Variants in POLI observed in about 807,000 individuals in gnomAD.
POLI encodes the protein DNA polymerase iota.
Under a neutral mutation model 51.6 loss-of-function variants are expected in POLI, and 58 were observed. The observed-to-expected ratio is 1.12, with a 90% CI of 0.91 to 1.40. The LOEUF is 1.40. POLI is among the 40% of genes most tolerant of loss of function. The probability of loss-of-function intolerance (pLI) is 0.00; values close to 1 mark genes in which losing one functional copy is unlikely to be tolerated. For synonymous variants in POLI, 322 were observed against 299.7 expected (o/e 1.07, Z -0.77); for missense variants, 921 against 871.3 (o/e 1.06, Z -0.72).
In POLI at chr18:54,297,034, T is replaced by C. The variant is rs1025347888; in HGVS notation, c.*2567T>C. On this transcript the variant is annotated 3_prime_UTR_variant, in exon 10 of 10. Coordinates refer to ENST00000579534, the MANE Select transcript of POLI (RefSeq NM_007195.3). ...TTCAGTATGATTTGAGTTCGTTGCT[T>C]CTCTGGGTGAGGTGGTACAAACTCC... is the stretch of plus-strand genomic sequence containing the variant. The C allele has an allele frequency of 3.0e-6, 3 of 985,322 alleles. No individual in the cohort carries two copies. The highest frequency in any genetic ancestry group is 1.7e-5 in the African/African-American group (1 of 57,246). The allele number at this position is 985,322 out of a possible 1,614,324, so 61.0% of individuals were successfully genotyped here.
intron 7 of POLI, among the ~76,000 whole-genome samples, chr18:54,286,140 A>G (rs746989960): frequency 3.3e-5 from 5 of 152,348 alleles, no homozygotes; most frequent in Non-Finnish European, 7.3e-5. Context: ...TTGGGATTAC[A>G]GGTACGAGGC....
chr18:54,273,721 T>C (rs2087112646), intron 2 of POLI, among the ~76,000 whole-genome samples: 1 of 152,260 alleles, frequency 6.6e-6, no homozygotes, highest in Admixed American at 6.5e-5. Flanking sequence ...TTATAATTCA[T>C]AATTAGGAGA....
At position 54,279,764 on chromosome 18, in the gene POLI, T is replaced by G. The variant is rs184004260; in HGVS notation, c.560-903T>G. On this transcript the variant is annotated intron_variant, in intron 4 of 9. Transcript: ENST00000579534. ...TTTTACACCTAAAGCAAATTTATTT[T>G]TATATAATTTTCTTACACTTTTCAT... Among the ~76,000 whole-genome samples, 133 of 152,324 alleles carry G rather than the reference T, an allele frequency of 8.7e-4. 1 individual carries two copies. Among genetic ancestry groups the G allele is most frequent in the Non-Finnish European group, 4.0e-4 (27 of 68,032 alleles).
intron 7 of POLI, among the ~76,000 whole-genome samples, chr18:54,286,874 G>A (rs900616298): frequency 2.0e-5 from 3 of 152,156 alleles, no homozygotes; most frequent in South Asian, 2.1e-4. Flanking sequence ...AACCTGGGAG[G>A]TGAAGGTTGC....
rs760557350 is a variant in POLI, at chr18:54,294,328, C to T, written c.2084C>T (p.Pro695Leu). The T allele has an allele frequency of 6.2e-7, 1 of 1,613,226 alleles. No individual in the cohort carries two copies. The highest frequency in any genetic ancestry group is 8.5e-7 in the Non-Finnish European group (1 of 1,179,348). Reference sequence around the variant, plus strand: ...GAAGGACTTACAGAAAATAGAGAGCCAGATTCTGTTGATGAGAAAATTACT... The same window carrying T: ...GAAGGACTTACAGAAAATAGAGAGCTAGATTCTGTTGATGAGAAAATTACT... ...SHEGLTENRE[P>L]DSVDEKITFP... is the part of the protein sequence containing the mutation. Residue 695 changes from proline to leucine, a missense_variant, in exon 10 of 10, where the codon CCA (proline) becomes CTA (leucine). Physicochemically the swap from Pro to Leu is moderately conservative, Grantham distance 98. Transcript: ENST00000579534.
intron 3 of POLI, among the ~76,000 whole-genome samples, chr18:54,303,575 T>C (rs912591422): frequency 1.3e-5 from 2 of 152,126 alleles, no homozygotes; most frequent in Non-Finnish European, 2.9e-5. Context: ...TTGCTAGCCT[T>C]TATTTGTGGA....
In POLI at chr18:54,313,633, A is replaced by C. The variant is rs141045662; in HGVS notation, c.334-6640A>C. 1.2e-4 allele frequency among the ~76,000 whole-genome samples: 19 copies of C among 152,076 alleles called. No individual in the cohort carries two copies. In the East Asian group the frequency reaches 3.7e-3, roughly 29 times the overall value. ...TTTGTGTCATCTCTGATTTCTTTGA[A>C]CAGTGTTTTGTAATTCTCATTGTAG... is the stretch of plus-strand genomic sequence containing the variant. On this transcript the variant is annotated intron_variant, in intron 3 of 4. Coordinates refer to the POLI transcript ENST00000579823.
chr18:54,308,593 G>GC (rs140790510), intron 3 of POLI, among the ~76,000 whole-genome samples: 2 of 151,954 alleles, frequency 1.3e-5, no homozygotes, highest in Non-Finnish European at 2.9e-5. Context: ...TATCTTTGTG[G>GC]GTTCTCTGTA....
chr18:54,309,390 T>C (rs640745), intron 3 of POLI, among the ~76,000 whole-genome samples: 38,582 of 152,126 alleles, frequency 0.25, 5,083 homozygotes, highest in Middle Eastern at 0.29. Context: ...CTCCAGACCC[T>C]GTTTTCCTGG....
chr18:54,271,480 C>A lies in POLI; in HGVS notation c.236C>A (p.Pro79His). The change falls in exon 2 of 10, where the codon CCT (proline) becomes CAT (histidine). Residue 79 changes from proline (P) to histidine (H), a missense_variant. Transcript: ENST00000579534. The stretch of plus-strand genomic sequence containing the variant: ...TCAAATCCAGAGCTAAAAGACAAAC[C>A]TTTAGGTAACTGTAGATTTATAATA... ...MISNPELKDK[P>H]LGVQQKYLVV... The A allele has an allele frequency of 6.3e-7, 1 of 1,584,788 alleles. No homozygotes were observed. Among genetic ancestry groups the A allele is most frequent in the Non-Finnish European group, 8.6e-7 (1 of 1,160,912 alleles).
intron 8 of POLI, among the ~76,000 whole-genome samples, chr18:54,290,806 A>C (rs1048166773): frequency 6.6e-6 from 1 of 152,150 alleles, no homozygotes; most frequent in Non-Finnish European, 1.5e-5. Context: ...AGGGAGGAGA[A>C]CATCACACAC....
In POLI at chr18:54,280,834, C is replaced by A. The variant is rs138927242; in HGVS notation, c.727C>A (p.Gln243Lys). The A allele has an allele frequency of 2.3e-5, 37 of 1,613,352 alleles. No individual in the cohort carries two copies. The highest frequency in any genetic ancestry group is 3.1e-5 in the Non-Finnish European group (37 of 1,179,480). ...TTCTGGTGTCTTTAAACCAAATCAA[C>A]AAACAGTCTTATTACCTGAAAGTTG... The part of the protein sequence containing the change: ...LVSGVFKPNQ[Q>K]TVLLPESCQH... The change falls in exon 5 of 10, where the codon CAA becomes AAA. Residue 243 changes from glutamine (Q) to lysine (K), a missense_variant. Transcript: ENST00000579534.
At chr18:54,278,864 C>T (rs2087368824) in intron 4 of POLI, among the ~76,000 whole-genome samples, 1 of 152,138 alleles carries the variant, frequency 6.6e-6, no homozygotes, top group Admixed American at 6.5e-5. Context: ...CTTAAGCCTC[C>T]CCATGCATTT....
In POLI at chr18:54,297,747, C is replaced by G. The variant is rs926160969; in HGVS notation, c.*3280C>G. 12 of 969,050 alleles carry G rather than the reference C, an allele frequency of 1.2e-5. No homozygotes were observed. Among genetic ancestry groups the G allele is most frequent in the African/African-American group, 1.8e-5 (1 of 56,838 alleles). The allele number at this position is 969,050 out of a possible 1,614,324, so 60.0% of individuals were successfully genotyped here. A position where few individuals can be genotyped will look rare whatever the true frequency, so the allele number is the denominator to read the frequency against. ...AATGCTACCCTCTTTCCAAACAACACAAAGGTATTGAAATAACATTAATTC... is the reference window on the plus strand; with the variant it reads ...AATGCTACCCTCTTTCCAAACAACAGAAAGGTATTGAAATAACATTAATTC... On this transcript the variant is annotated 3_prime_UTR_variant, in exon 10 of 10. Transcript: ENST00000579534.
intron 4 of POLI, among the ~76,000 whole-genome samples, chr18:54,279,196 A>G (rs2144498886): frequency 6.6e-6 from 1 of 152,018 alleles, no homozygotes; most frequent in East Asian, 1.9e-4. Flanking sequence ...GTAAACCTAC[A>G]GAAAAGTTGA....
rs941743264 is a variant in POLI at position 54,296,348 on chromosome 18, A to G, written c.*1881A>G. 9.1e-6 allele frequency: 9 copies of G among 985,246 alleles called. No homozygotes were observed. The African/African-American group carries it at 1.4e-4, about 15-fold the overall frequency. 61.0% of individuals were successfully genotyped at this position (985,246 alleles called of 1,614,324 possible). On this transcript the variant is annotated 3_prime_UTR_variant, in exon 10 of 10. Coordinates refer to ENST00000579534, the MANE Select transcript of POLI (RefSeq NM_007195.3). The stretch of plus-strand genomic sequence containing the variant: ...GGGCTATGTCACAGTTACGCTACTT[A>G]TTTTGTGGTTTTAAGTTAGTCTCAA...
At chr18:54,269,752 G>T in intron 1 of POLI, 91 bp downstream of exon 1, 1 of 1,403,484 alleles carries the variant, frequency 7.1e-7, no homozygotes, top group South Asian at 1.5e-5. Flanking sequence ...CCACTGGGGC[G>T]CGACCGTCCC....
In POLI at chr18:54,295,568, A is replaced by G; in HGVS notation, c.*1101A>G. The stretch of plus-strand genomic sequence containing the variant: ...AGAAGAGACTTTAAAAATAAAGTAC[A>G]CAAATATGAACCAAAGAGTAGCTTA... On this transcript the variant is annotated 3_prime_UTR_variant, in exon 10 of 10. Coordinates refer to ENST00000579534, the MANE Select transcript of POLI (RefSeq NM_007195.3). 7.5e-6 allele frequency: 6 copies of G among 804,574 alleles called. No individual in the cohort carries two copies. The highest frequency in any genetic ancestry group is 9.0e-6 in the Non-Finnish European group (6 of 665,294). The allele number at this position is 804,574 out of a possible 1,614,324, so 49.8% of individuals were successfully genotyped here.
chr18:54,314,485 A>G (rs1032986392), intron 3 of POLI, among the ~76,000 whole-genome samples: 7 of 152,146 alleles, frequency 4.6e-5, no homozygotes, highest in African/African-American at 1.7e-4. Context: ...TGTTTGTTTC[A>G]TAAAATGAGT....
Sources: allele counts gnomAD v4.1 joint callset (sites outside exome capture counted in the v4.1 genomes callset), GRCh38; gene constraint gnomAD v4.1.1; transcripts MANE v1.5; gene names NCBI Gene and HGNC (gene_info 2026-07-23, HGNC 2026-07-21).